GPAT4: variants seen among roughly 807,000 people sequenced by gnomAD.
GPAT4 encodes the protein 1-AGP acyltransferase 6.
Under a neutral mutation model 58.0 loss-of-function variants are expected in GPAT4, and 17 were observed. That is an observed-to-expected ratio of 0.29 (90% CI 0.20 to 0.44). GPAT4 has a LOEUF of 0.44. Among genes scored for constraint, GPAT4 ranks in the 20% least tolerant of loss-of-function variants. GPAT4 has a pLI of 1.00. For missense variants in GPAT4, 377 were observed against 574.5 expected (o/e 0.66, Z 3.51); for synonymous variants, 204 against 210.1 (o/e 0.97, Z 0.25).
chr8:41,589,893 A>G (rs778979640), intron 1 of GPAT4, among the ~76,000 whole-genome samples: 12 of 152,202 alleles, frequency 7.9e-5, no homozygotes, highest in African/African-American at 2.4e-5. Flanking sequence ...AGAGACAGCA[A>G]TGGTGGAGGA....
At chr8:41,597,072 AG>A (rs1802955288) in intron 1 of GPAT4, among the ~76,000 whole-genome samples, 1 of 152,168 alleles carries the variant, frequency 6.6e-6, no homozygotes, top group Non-Finnish European at 1.5e-5. Flanking sequence ...TAACACAAAA[AG>A]TTAGGTCAGG....
intron 10 of GPAT4, among the ~76,000 whole-genome samples, chr8:41,616,626 G>A (rs1450242766): frequency 6.6e-6 from 1 of 152,162 alleles, no homozygotes; most frequent in Non-Finnish European, 1.5e-5. Context: ...TGTTCTGGGT[G>A]GCATTGATGG....
Position 41,599,144 on chromosome 8 carries a change from T to G in GPAT4, c.5T>G (p.Phe2Cys), listed in dbSNP as rs534990402. 1.2e-5 allele frequency: 20 copies of G among 1,611,034 alleles called. No individual in the cohort carries two copies. In the African/African-American group the frequency reaches 2.7e-4, roughly 22 times the overall value. Residue 2 changes from phenylalanine to cysteine, a missense_variant, in exon 2 of 13, where the codon TTC becomes TGC. Transcript: ENST00000396987. ...GCCTGGCCTGGATCTTCCACCATGT[T>G]CCTGTTGCTGCCTTTTGATAGCCTG... Reference protein sequence around the residue: MFLLLPFDSLIV... With the variant: MCLLLPFDSLIV...
chr8:41,583,230 A>T (rs1028918339), intron 1 of GPAT4, among the ~76,000 whole-genome samples: 2 of 151,696 alleles, frequency 1.3e-5, no homozygotes, highest in African/African-American at 2.4e-5. Flanking sequence ...CTCAAAAAAA[A>T]AATAATATAT....
chr8:41,590,018 G>T (rs140102485), intron 1 of GPAT4, among the ~76,000 whole-genome samples: 1 of 152,204 alleles, frequency 6.6e-6, no homozygotes, highest in African/African-American at 2.4e-5. Flanking sequence ...ACACAAGAGC[G>T]TGTCTGTATC....
intron 1 of GPAT4, among the ~76,000 whole-genome samples, chr8:41,592,126 T>G (rs769610130): frequency 6.6e-6 from 1 of 152,226 alleles, no homozygotes; most frequent in Non-Finnish European, 1.5e-5. Flanking sequence ...CTTCTTTTTT[T>G]GCAGGAAGCA....
At chr8:41,586,268 A>G (rs781536237) in intron 1 of GPAT4, among the ~76,000 whole-genome samples, 4 of 152,166 alleles carry the variant, frequency 2.6e-5, no homozygotes, top group South Asian at 4.1e-4. Flanking sequence ...TTTATGGCCA[A>G]AGGTTCCATT....
chr8:41,597,292 A>T (rs1399593597), intron 1 of GPAT4, among the ~76,000 whole-genome samples: 1 of 152,162 alleles, frequency 6.6e-6, no homozygotes, highest in East Asian at 1.9e-4. Context: ...TTGTACTTCT[A>T]AGTGTTTGGA....
At chr8:41,599,382 C>G in intron 2 of GPAT4, 78 bp downstream of exon 2, 1 of 1,511,284 alleles carries the variant, frequency 6.6e-7, no homozygotes, top group Non-Finnish European at 9.0e-7. Context: ...TCTTACAGGC[C>G]TATTATCTCT....
At chr8:41,591,074 T>C (rs1802776284) in intron 1 of GPAT4, among the ~76,000 whole-genome samples, 1 of 152,078 alleles carries the variant, frequency 6.6e-6, no homozygotes, top group Non-Finnish European at 1.5e-5. Context: ...CCTGTCCCTT[T>C]TAAGGGCTTA....
intron 9 of GPAT4, 41 bp downstream of exon 9, chr8:41,614,482 G>T: frequency 6.3e-7 from 1 of 1,586,042 alleles, no homozygotes; most frequent in Non-Finnish European, 8.6e-7. Context: ...TCTGTGGGGA[G>T]TGCAGGAGTG....
intron 1 of GPAT4, among the ~76,000 whole-genome samples, chr8:41,582,580 A>G (rs1214020641): frequency 6.6e-6 from 1 of 152,124 alleles, no homozygotes; most frequent in Non-Finnish European, 1.5e-5. Context: ...TGCTATATAC[A>G]CAATTTTAAA....
At position 41,609,490 on chromosome 8, in the gene GPAT4, G is replaced by A; in HGVS notation, c.235+5G>A. 6.2e-7 allele frequency: 1 copy of A among 1,614,108 alleles called. No individual in the cohort carries two copies. Among genetic ancestry groups the A allele is most frequent in the Non-Finnish European group, 8.5e-7 (1 of 1,179,936 alleles). The stretch of plus-strand genomic sequence containing the variant: ...TTTACAAGCCCTACACCAACGGTAA[G>A]ATGGGGGTGTGATCCTTGTCCTGAG... On this transcript the variant is annotated splice_donor_5th_base_variant and intron_variant, in intron 3 of 12. Transcript: ENST00000396987.
chr8:41,601,750 T>TA (rs1449926045), intron 2 of GPAT4, among the ~76,000 whole-genome samples: 1 of 152,234 alleles, frequency 6.6e-6, no homozygotes, highest in African/African-American at 2.4e-5. Context: ...TCCCCAAAAT[T>TA]AATACTTTAA....
chr8:41,620,261 A>G (rs1363194537), intron 12 of GPAT4, among the ~76,000 whole-genome samples: 3 of 152,188 alleles, frequency 2.0e-5, no homozygotes, highest in Non-Finnish European at 2.9e-5. Context: ...GCAAGAGGCA[A>G]TGGGACTGTA....
chr8:41,614,298 T>C, intron 8 of GPAT4, 88 bp from the exon 9 acceptor site: 1 of 1,102,744 alleles, frequency 9.1e-7, no homozygotes, highest in Non-Finnish European at 1.3e-6. Flanking sequence ...TCGAAACTAG[T>C]GTCACAAATA....
intron 1 of GPAT4, among the ~76,000 whole-genome samples, chr8:41,587,915 C>A (rs1303859394): frequency 6.6e-6 from 1 of 152,196 alleles, no homozygotes; most frequent in African/African-American, 2.4e-5. Flanking sequence ...TCCATTCTCA[C>A]CAGTGCAGTG....
intron 2 of GPAT4, among the ~76,000 whole-genome samples, chr8:41,601,279 T>C (rs1803087184): frequency 6.6e-6 from 1 of 152,182 alleles, no homozygotes; most frequent in Non-Finnish European, 1.5e-5. Flanking sequence ...AGTTAGACTC[T>C]GCACAGGTGA....
chr8:41,594,840 C>T lies in GPAT4; in HGVS notation c.-848-3452C>T, dbSNP rs550184668. 1.7e-3 allele frequency among the ~76,000 whole-genome samples: 266 copies of T among 152,122 alleles called. 1 individual carries two copies. Among genetic ancestry groups the T allele is most frequent in the African/African-American group, 6.1e-3 (252 of 41,536 alleles). ...GATTTCAGGCGTAAGCCACCGTGCC[C>T]GGCCCAAACTTTTTTTTTAAACGAC... On this transcript the variant is annotated intron_variant, in intron 1 of 12. Transcript: ENST00000396987.
Sources: allele counts gnomAD v4.1 joint callset (sites outside exome capture counted in the v4.1 genomes callset), GRCh38; gene constraint gnomAD v4.1.1; transcripts MANE v1.5; gene names NCBI Gene and HGNC (gene_info 2026-07-23, HGNC 2026-07-21).